MKLN1: variants seen among roughly 807,000 people sequenced by gnomAD.
MKLN1 encodes muskelin.
In MKLN1, 18 loss-of-function variants were observed where a neutral mutation model predicts 99.0. The observed-to-expected ratio is 0.18, with a 90% CI of 0.13 to 0.27. The LOEUF is 0.27. MKLN1 is among the 10% of genes least tolerant of loss of function. The probability of loss-of-function intolerance (pLI) is 1.00; values close to 1 mark genes in which losing one functional copy is unlikely to be tolerated. For missense variants in MKLN1, 621 were observed against 875.9 expected, an observed-to-expected ratio of 0.71 and a Z score of 3.67; for synonymous variants, 288 against 293.2, an observed-to-expected ratio of 0.98 and a Z score of 0.18.
At chr7:131,133,711 C>A (rs1056661291) in intron 1 of MKLN1, among the ~76,000 whole-genome samples, 3 of 150,710 alleles carry the variant, frequency 2.0e-5, no homozygotes, top group African/African-American at 4.9e-5. Context: ...TAGTCTCAAA[C>A]CCTGGGCTCC....
intron 1 of MKLN1, among the ~76,000 whole-genome samples, chr7:131,342,925 AC>A (rs1485866981): frequency 1.3e-5 from 2 of 152,236 alleles, no homozygotes; most frequent in African/African-American, 4.8e-5. Context: ...TTAGGTGCTT[AC>A]TGATTCCAGA....
intron 1 of MKLN1, among the ~76,000 whole-genome samples, chr7:131,133,723 G>A (rs1318867404): frequency 6.7e-6 from 1 of 148,856 alleles, no homozygotes; most frequent in Non-Finnish European, 1.5e-5. Flanking sequence ...CTGGGCTCCA[G>A]TGATCCTCTT....
At chr7:131,379,648 G>C (rs982652343) in intron 2 of MKLN1, among the ~76,000 whole-genome samples, 8 of 152,158 alleles carry the variant, frequency 5.3e-5, no homozygotes, top group Non-Finnish European at 8.8e-5. Flanking sequence ...CTATTTGATA[G>C]CACAATAGGC....
intron 3 of MKLN1, among the ~76,000 whole-genome samples, chr7:131,258,307 A>G (rs1488496898): frequency 2.4e-5 from 2 of 81,902 alleles, no homozygotes; most frequent in Non-Finnish European, 6.1e-5. Context: ...AAAAGAGTAG[A>G]TGTTTCTCTC....
intron 12 of MKLN1, among the ~76,000 whole-genome samples, chr7:131,448,405 G>A (rs1235964163): frequency 6.6e-6 from 1 of 152,142 alleles, no homozygotes; most frequent in African/African-American, 2.4e-5. Context: ...GCTAGCTTTA[G>A]AGCAGTGTGG....
At chr7:131,429,370 G>A (rs1795456759) in intron 9 of MKLN1, among the ~76,000 whole-genome samples, 1 of 152,090 alleles carries the variant, frequency 6.6e-6, no homozygotes, top group Non-Finnish European at 1.5e-5. Context: ...AGAGAGTGAG[G>A]AATGGGGATT....
chr7:131,419,247 T>TA (rs1179230642), intron 8 of MKLN1, among the ~76,000 whole-genome samples: 5 of 116,886 alleles, frequency 4.3e-5, no homozygotes, highest in East Asian at 2.9e-4. Context: ...TATATATATA[T>TA]TTTTGTTTTT....
chr7:131,469,008 G>C (rs1414368304), intron 15 of MKLN1, among the ~76,000 whole-genome samples: 1 of 152,136 alleles, frequency 6.6e-6, no homozygotes, highest in African/African-American at 2.4e-5. Flanking sequence ...TAGGATACTG[G>C]AACAATTCTA....
At chr7:131,137,732 A>C (rs1795670362) in intron 1 of MKLN1, among the ~76,000 whole-genome samples, 1 of 151,056 alleles carries the variant, frequency 6.6e-6, no homozygotes, top group African/African-American at 2.4e-5. Context: ...GCGCCACCAT[A>C]CCCGGCTGAT....
chr7:131,283,246 T>A (rs914248511), intron 3 of MKLN1, among the ~76,000 whole-genome samples: 1 of 152,070 alleles, frequency 6.6e-6, no homozygotes, highest in Admixed American at 6.6e-5. Flanking sequence ...ATTATCCAGA[T>A]TTAATAAATA....
chr7:131,251,095 G>A (rs1185128650), intron 3 of MKLN1, among the ~76,000 whole-genome samples: 1 of 95,862 alleles, frequency 1.0e-5, no homozygotes, highest in East Asian at 2.2e-4. Flanking sequence ...GGGCCCAGAT[G>A]TGTGTGTGTG....
In MKLN1 at chr7:131,381,475, A is replaced by G. The variant is rs974445262; in HGVS notation, c.169-5645A>G. On this transcript the variant is annotated intron_variant, in intron 2 of 17. Transcript: ENST00000352689. The stretch of plus-strand genomic sequence containing the variant: ...TGTTTTCTCATTAAGGTCTCAAAAT[A>G]TTGCCCCCATCACTGTGAAAATGAC... Among the ~76,000 whole-genome samples, 5 of 152,246 alleles carry G rather than the reference A, an allele frequency of 3.3e-5. 1 individual carries two copies. In the East Asian group the frequency reaches 9.6e-4, roughly 29 times the overall value.
intron 2 of MKLN1, among the ~76,000 whole-genome samples, chr7:131,178,550 C>T (rs939264050): frequency 2.6e-5 from 4 of 152,156 alleles, no homozygotes; most frequent in Non-Finnish European, 5.9e-5. Flanking sequence ...GAGGAATGGA[C>T]ATTGTGTAAG....
chr7:131,323,191 T>C (rs1259218926), upstream of MKLN1, among the ~76,000 whole-genome samples: 2 of 152,040 alleles, frequency 1.3e-5, no homozygotes, highest in Admixed American at 6.5e-5. Flanking sequence ...GAAGGAAATG[T>C]GTACATTGTG....
intron 3 of MKLN1, among the ~76,000 whole-genome samples, chr7:131,217,665 T>G (rs1797003578): frequency 6.6e-6 from 1 of 152,198 alleles, no homozygotes; most frequent in East Asian, 1.9e-4. Flanking sequence ...GCCATGGCAC[T>G]CCAGCCTGGG....
chr7:131,153,657 T>A (rs1795921623), intron 2 of MKLN1, among the ~76,000 whole-genome samples: 1 of 56,852 alleles, frequency 1.8e-5, no homozygotes, highest in East Asian at 1.1e-3. Context: ...AAAGTAGGTT[T>A]TTTTTGGTTT....
At chr7:131,482,319 C>T (rs763531495) in intron 17 of MKLN1, among the ~76,000 whole-genome samples, 26 of 152,120 alleles carry the variant, frequency 1.7e-4, no homozygotes, top group Non-Finnish European at 3.4e-4. Flanking sequence ...CTCAGCCTCC[C>T]GAGTAGCTGG....
At chr7:131,479,215 A>G (rs1324247593) in intron 17 of MKLN1, among the ~76,000 whole-genome samples, 2 of 151,902 alleles carry the variant, frequency 1.3e-5, no homozygotes, top group African/African-American at 4.8e-5. Context: ...ATTTAGTAAT[A>G]CTCTCTTTTA....
Position 131,134,247 on chromosome 7 carries a change from A to G in MKLN1, c.-418-8573A>G, listed in dbSNP as rs372138030. 2.6e-5 allele frequency among the ~76,000 whole-genome samples: 4 copies of G among 152,196 alleles called. No individual in the cohort carries two copies. The East Asian group carries it at 5.8e-4, about 22-fold the overall frequency. On this transcript the variant is annotated intron_variant, in intron 1 of 7. Transcript: ENST00000416992. ...TGATCATTTTCTCTGGGAAGGTCTCATGTCTCTTTCCTTGCAGACCTCCCT... is the reference window on the plus strand; with the variant it reads ...TGATCATTTTCTCTGGGAAGGTCTCGTGTCTCTTTCCTTGCAGACCTCCCT...
Sources: allele counts gnomAD v4.1 joint callset (sites outside exome capture counted in the v4.1 genomes callset), GRCh38; gene constraint gnomAD v4.1.1; transcripts MANE v1.5; gene names NCBI Gene and HGNC (gene_info 2026-07-23, HGNC 2026-07-21).